RBFOX3: variants seen among roughly 807,000 people sequenced by gnomAD.
RBFOX3 encodes RNA binding protein fox-1 homolog 3.
In RBFOX3, 17 loss-of-function variants were observed where a neutral mutation model predicts 48.7. The ratio of observed to expected loss-of-function variants is 0.35; its 90% CI spans 0.24 to 0.52. RBFOX3 has a LOEUF of 0.52. RBFOX3 is among the 20% of genes least tolerant of loss of function. The pLI is 0.94. For missense variants in RBFOX3, 382 were observed against 497.5 expected (o/e 0.77, Z 2.21); for synonymous variants, 212 against 209.5 (o/e 1.01, Z -0.10).
At chr17:79,558,871 A>G (rs1300438425) in intron 1 of RBFOX3, among the ~76,000 whole-genome samples, 2 of 152,124 alleles carry the variant, frequency 1.3e-5, no homozygotes, top group Non-Finnish European at 2.9e-5. Flanking sequence ...GAGGGCACAG[A>G]GAGGCTTGCT....
At chr17:79,401,646 C>T (rs1039236387) in intron 2 of RBFOX3, among the ~76,000 whole-genome samples, 5 of 152,230 alleles carry the variant, frequency 3.3e-5, no homozygotes, top group African/African-American at 1.2e-4. Flanking sequence ...TCTCCCTTCA[C>T]CCCGATCCCA....
intron 4 of RBFOX3, among the ~76,000 whole-genome samples, chr17:79,148,339 C>T (rs889909855): frequency 9.2e-5 from 14 of 152,222 alleles, no homozygotes; most frequent in African/African-American, 2.4e-4. Flanking sequence ...TGGCTTGGGG[C>T]GGGTCCAAGT....
At chr17:79,143,874 G>C (rs1467793119) in intron 4 of RBFOX3, among the ~76,000 whole-genome samples, 1 of 152,250 alleles carries the variant, frequency 6.6e-6, no homozygotes, top group Non-Finnish European at 1.5e-5. Flanking sequence ...CTCAAGCCAG[G>C]ACACCCCAGT....
At chr17:79,450,675 GGAA>G (rs1290348497) in intron 2 of RBFOX3, among the ~76,000 whole-genome samples, 4 of 152,112 alleles carry the variant, frequency 2.6e-5, no homozygotes, top group African/African-American at 4.8e-5. Context: ...ATGGGCCTAA[GGAA>G]GAAGAAGACA....
At chr17:79,596,905 C>T (rs1170069830) in intron 1 of RBFOX3, among the ~76,000 whole-genome samples, 3 of 152,142 alleles carry the variant, frequency 2.0e-5, no homozygotes, top group Non-Finnish European at 4.4e-5. Flanking sequence ...TTAGATACAC[C>T]CAGTGATAAC....
chr17:79,447,962 GTT>G (rs1214087926), intron 2 of RBFOX3, among the ~76,000 whole-genome samples: 1 of 152,126 alleles, frequency 6.6e-6, no homozygotes, highest in East Asian at 1.9e-4. Context: ...GACCCAGTTC[GTT>G]TGAAAGTGTG....
At chr17:79,140,767 G>A (rs1055677486) in intron 4 of RBFOX3, among the ~76,000 whole-genome samples, 3 of 152,252 alleles carry the variant, frequency 2.0e-5, no homozygotes, top group Admixed American at 1.3e-4. Flanking sequence ...TGGAGAGACA[G>A]GTTTAACTGT....
intron 3 of RBFOX3, among the ~76,000 whole-genome samples, chr17:79,277,297 G>T (rs1408625477): frequency 1.3e-5 from 1 of 78,180 alleles, no homozygotes; most frequent in Non-Finnish European, 2.7e-5. Flanking sequence ...GATTCCAATG[G>T]TGGGGAGGGG....
Position 79,299,312 on chromosome 17 carries a change from C to T in RBFOX3, c.-74+8412G>A, listed in dbSNP as rs532792624. Among the ~76,000 whole-genome samples the T allele has an allele frequency of 8.5e-5, 13 of 152,188 alleles. 1 individual carries two copies. The South Asian group carries it at 2.7e-3, about 32-fold the overall frequency. Reference sequence around the variant, plus strand: ...CCCTCAAAATTCCTGTGTTGAAGTCCTAACCACTGGTTCCTTAAAATGGGA... The same window carrying T: ...CCCTCAAAATTCCTGTGTTGAAGTCTTAACCACTGGTTCCTTAAAATGGGA... On this transcript the variant is annotated intron_variant, in intron 3 of 14. Transcript: ENST00000693108. This position sits in a 1 kb window ranked among gnomAD's most constrained non-coding sequence, Gnocchi z 4.5.
At chr17:79,115,171 T>C (rs763765299) in intron 5 of RBFOX3, among the ~76,000 whole-genome samples, 1 of 152,160 alleles carries the variant, frequency 6.6e-6, no homozygotes, top group Non-Finnish European at 1.5e-5. Flanking sequence ...GGGTGAGTGT[T>C]TGCTCGAAGC....
intron 2 of RBFOX3, among the ~76,000 whole-genome samples, chr17:79,355,779 C>T (rs2084870671): frequency 1.3e-5 from 2 of 152,122 alleles, no homozygotes; most frequent in African/African-American, 4.8e-5. Flanking sequence ...TGGGATTTCA[C>T]CATGTTGGCC....
rs1012793628 is a variant in RBFOX3 at position 79,575,324 on chromosome 17, G to A, written c.-320+35502C>T. Among the ~76,000 whole-genome samples the A allele has an allele frequency of 1.2e-4, 18 of 152,322 alleles. No individual in the cohort carries two copies. The East Asian group carries it at 3.1e-3, about 26-fold the overall frequency. On this transcript the variant is annotated intron_variant, in intron 1 of 14. Transcript: ENST00000693108. ...GGCAGGAACGAGTACATGGGATAGG[G>A]GGGCAGAGTGAGGGAGACAAAGGGG...
At chr17:79,476,110 C>T (rs1471286915) in intron 2 of RBFOX3, among the ~76,000 whole-genome samples, 2 of 152,246 alleles carry the variant, frequency 1.3e-5, no homozygotes, top group Non-Finnish European at 1.5e-5. Flanking sequence ...GCCCTGCTGG[C>T]TCCTCTCCTT....
At chr17:79,393,919 ACATCTGAGCCGGTCATCATACACAT>A (rs71863669) in intron 2 of RBFOX3, among the ~76,000 whole-genome samples, 21,742 of 150,466 alleles carry the variant, frequency 0.14, 1,486 homozygotes, top group Middle Eastern at 0.21. Flanking sequence ...CCATCAATGC[ACATCTGAGCCGGTCATCATACACAT>A]CATCTGAGCC....
chr17:79,628,405 G>T, the RBFOX3 span, among the ~76,000 whole-genome samples: 21 of 152,166 alleles, frequency 1.4e-4, no homozygotes, highest in Admixed American at 1.4e-3. Context: ...GCTAACACAG[G>T]AAATTAGGGG....
At chr17:79,592,108 TG>T (rs2093436769) in intron 1 of RBFOX3, among the ~76,000 whole-genome samples, 2 of 148,614 alleles carry the variant, frequency 1.3e-5, no homozygotes, top group African/African-American at 5.0e-5. Context: ...TGTGTGTGTG[TG>T]TAGTGTGTGT....
chr17:79,375,358 G>GACACACACACACACACAC (rs534923135), intron 2 of RBFOX3, among the ~76,000 whole-genome samples: 6 of 136,186 alleles, frequency 4.4e-5, no homozygotes, highest in South Asian at 2.7e-4. Context: ...GAAGACAGAA[G>GACACACACACACACACAC]ACACACACAC....
intron 1 of RBFOX3, among the ~76,000 whole-genome samples, chr17:79,566,387 C>T (rs1426303007): frequency 6.6e-6 from 1 of 152,200 alleles, no homozygotes; most frequent in African/African-American, 2.4e-5. Flanking sequence ...TCCTTCATCA[C>T]CATGGTCCTG....
chr17:79,261,139 G>T (rs577729931), intron 3 of RBFOX3, among the ~76,000 whole-genome samples: 1 of 151,822 alleles, frequency 6.6e-6, no homozygotes, highest in African/African-American at 2.4e-5. Context: ...CACGGCGTTC[G>T]CTCCTCGAGC....
Sources: gnomAD v4.1 joint callset for allele counts (sites outside exome capture counted in the v4.1 genomes callset) on GRCh38, gnomAD v4.1.1 for gene constraint, Gnocchi (gnomAD v3.1) non-coding constraint, MANE v1.5 for transcripts, NCBI Gene and HGNC (gene_info 2026-07-23, HGNC 2026-07-21) for gene names.